STXBP5L: variants seen among roughly 807,000 people sequenced by gnomAD.
The protein encoded by STXBP5L is syntaxin-binding protein 5-like.
STXBP5L carries 65 observed loss-of-function variants against 144.5 expected under a neutral mutation model. The observed-to-expected ratio is 0.45, with a 90% CI of 0.37 to 0.55. The LOEUF is 0.55. Ranked by LOEUF, STXBP5L falls within the 20% of genes least tolerant of loss-of-function variation. The pLI is 0.00. For synonymous variants in STXBP5L, 505 were observed against 469.6 expected (o/e 1.08, Z -0.97); for missense variants, 1,298 against 1,405.5 (o/e 0.92, Z 1.22).
chr3:121,322,145 G>A (rs542872402), intron 20 of STXBP5L, among the ~76,000 whole-genome samples: 5 of 152,208 alleles, frequency 3.3e-5, no homozygotes, highest in African/African-American at 1.2e-4. Context: ...TTTGCTTAGG[G>A]TAATGACTTC....
chr3:121,242,826 A>G (rs983089173), intron 14 of STXBP5L, among the ~76,000 whole-genome samples: 7 of 152,202 alleles, frequency 4.6e-5, no homozygotes, highest in Non-Finnish European at 1.0e-4. Context: ...GATATCAACA[A>G]GGTGACAGAA....
At chr3:121,283,127 T>G (rs1006108048) in intron 19 of STXBP5L, among the ~76,000 whole-genome samples, 1 of 151,998 alleles carries the variant, frequency 6.6e-6, no homozygotes, top group Non-Finnish European at 1.5e-5. Flanking sequence ...TGTTTAACAA[T>G]ATATACAAAA....
chr3:121,223,908 C>A (rs2049044151), intron 11 of STXBP5L, among the ~76,000 whole-genome samples: 1 of 151,174 alleles, frequency 6.6e-6, no homozygotes, highest in South Asian at 2.1e-4. Flanking sequence ...CTGGCCTGGG[C>A]AACATAATGA....
At chr3:121,329,957 G>A (rs2044272528) in intron 20 of STXBP5L, among the ~76,000 whole-genome samples, 1 of 152,072 alleles carries the variant, frequency 6.6e-6, no homozygotes, top group South Asian at 2.1e-4. Flanking sequence ...TAAGACAATT[G>A]CTTTTCACAT....
chr3:121,162,565 C>G (rs2046361980), intron 9 of STXBP5L, among the ~76,000 whole-genome samples: 3 of 152,112 alleles, frequency 2.0e-5, no homozygotes, highest in South Asian at 2.1e-4. Flanking sequence ...GCAAAATTGA[C>G]AAATGGGATC....
chr3:121,000,227 C>T (rs1276411903), intron 3 of STXBP5L, among the ~76,000 whole-genome samples: 1 of 152,098 alleles, frequency 6.6e-6, no homozygotes, highest in African/African-American at 2.4e-5. Flanking sequence ...GCTCTCTCCC[C>T]CTCTCTTTCA....
chr3:121,083,743 T>C (rs2042359360), intron 5 of STXBP5L, among the ~76,000 whole-genome samples: 1 of 152,190 alleles, frequency 6.6e-6, no homozygotes. Flanking sequence ...TGTGGAAATT[T>C]CTTTTTTGGA....
intron 18 of STXBP5L, among the ~76,000 whole-genome samples, chr3:121,266,705 C>G (rs1319639294): frequency 6.6e-6 from 1 of 152,162 alleles, no homozygotes; most frequent in African/African-American, 2.4e-5. Context: ...TTGCAGATGA[C>G]ATGATTGTAT....
At chr3:121,173,260 A>G (rs900747069) in intron 9 of STXBP5L, among the ~76,000 whole-genome samples, 6 of 151,814 alleles carry the variant, frequency 4.0e-5, no homozygotes, top group Admixed American at 1.3e-4. Flanking sequence ...GCAAACCACC[A>G]TGGCACGTGT....
intron 20 of STXBP5L, among the ~76,000 whole-genome samples, chr3:121,345,313 T>C (rs939670832): frequency 2.6e-5 from 4 of 152,154 alleles, no homozygotes; most frequent in Non-Finnish European, 4.4e-5. Flanking sequence ...TCCAGCTTCA[T>C]CCATGTCCCT....
At chr3:120,993,426 T>C (rs1368789588) in intron 3 of STXBP5L, among the ~76,000 whole-genome samples, 2 of 152,082 alleles carry the variant, frequency 1.3e-5, no homozygotes, top group Admixed American at 1.3e-4. Flanking sequence ...TTTCTTCTAG[T>C]ATTTTCAGTT....
chr3:121,010,410 T>C (rs960550257), intron 3 of STXBP5L, among the ~76,000 whole-genome samples: 1 of 151,736 alleles, frequency 6.6e-6, no homozygotes, highest in Non-Finnish European at 1.5e-5. Flanking sequence ...TGGTGTCTAA[T>C]ATTAGTCTTC....
rs970477268 is a variant in STXBP5L, at chr3:121,239,073, G to A, written c.1287G>A (p.Leu429=). The A allele has an allele frequency of 3.1e-6, 5 of 1,606,596 alleles. No homozygotes were observed. The highest frequency in any genetic ancestry group is 4.2e-6 in the Non-Finnish European group (5 of 1,176,660). The change falls in exon 13 of 27, where the codon CTG becomes CTA. Residue 429 remains leucine (L), a synonymous_variant. Transcript: ENST00000471454. ...ADCPPDLILV[L]YSIGVKHKKQ... is the part of the protein sequence containing the mutation. ...GTCCTCCGGATTTGATTCTAGTACTGTATTCTATAGGAGTCAAGCATAAAA... is the reference window on the plus strand; with the variant it reads ...GTCCTCCGGATTTGATTCTAGTACTATATTCTATAGGAGTCAAGCATAAAA...
intron 5 of STXBP5L, among the ~76,000 whole-genome samples, chr3:121,074,655 A>ATGCATCTTTATAAATTT (rs2041947863): frequency 6.6e-6 from 1 of 152,124 alleles, no homozygotes; most frequent in African/African-American, 2.4e-5. Context: ...CGCTGGCAAA[A>ATGCATCTTTATAAATTT]TGCATCTTTA....
At chr3:121,017,851 A>G (rs1189100068) in intron 3 of STXBP5L, among the ~76,000 whole-genome samples, 2 of 152,110 alleles carry the variant, frequency 1.3e-5, no homozygotes, top group Admixed American at 6.6e-5. Flanking sequence ...CTGAGGCAGG[A>G]GGATTTCTTG....
intron 3 of STXBP5L, among the ~76,000 whole-genome samples, chr3:121,001,459 C>A (rs1576622393): frequency 6.6e-6 from 1 of 152,336 alleles, no homozygotes. Context: ...CCACCTGGAA[C>A]AGTGTGGTGA....
chr3:121,399,565 A>G (rs2108728502), intron 22 of STXBP5L, among the ~76,000 whole-genome samples: 1 of 152,380 alleles, frequency 6.6e-6, no homozygotes, highest in Non-Finnish European at 1.5e-5. Context: ...TATTAAATTA[A>G]CTAAAAGTAT....
chr3:120,912,552 T>A (rs1708898100), intron 2 of STXBP5L, among the ~76,000 whole-genome samples: 1 of 150,434 alleles, frequency 6.6e-6, no homozygotes, highest in South Asian at 2.1e-4. Flanking sequence ...GTACCCTTCA[T>A]AATAAACAAA....
At chr3:121,389,817 A>G (rs368161993) in intron 22 of STXBP5L, among the ~76,000 whole-genome samples, 3 of 152,172 alleles carry the variant, frequency 2.0e-5, no homozygotes, top group African/African-American at 4.8e-5. Flanking sequence ...TATGTGGTCA[A>G]TTTTGGAACA....
Sources: gnomAD v4.1 joint callset for allele counts (sites outside exome capture counted in the v4.1 genomes callset) on GRCh38, gnomAD v4.1.1 for gene constraint, MANE v1.5 for transcripts, NCBI Gene and HGNC (gene_info 2026-07-23, HGNC 2026-07-21) for gene names.